The following IGDCC4 variants were observed in gnomAD, a reference collection of about 807,000 sequenced individuals.
The protein encoded by IGDCC4 is immunoglobulin superfamily DCC subclass member 4.
Under a neutral mutation model 116.6 loss-of-function variants are expected in IGDCC4, and 72 were observed. That is an observed-to-expected ratio of 0.62 (90% CI 0.51 to 0.75). IGDCC4 has a LOEUF of 0.75. Among genes scored for constraint, IGDCC4 ranks in the 30% least tolerant of loss-of-function variants. IGDCC4 has a pLI of 0.00. For synonymous variants in IGDCC4, 709 were observed against 719.9 expected (o/e 0.98, Z 0.24); for missense variants, 1,501 against 1,662.4 (o/e 0.90, Z 1.69).
intron 15 of IGDCC4, 107 bp from the exon 16 acceptor site, chr15:65,388,693 C>T: frequency 1.3e-6 from 2 of 1,588,746 alleles, no homozygotes; most frequent in East Asian, 4.5e-5. Context: ...TAGGCAGCAG[C>T]TTCTGCTTGC....
At chr15:65,392,627 C>T (rs773533414) in intron 10 of IGDCC4, among the ~76,000 whole-genome samples, 1 of 152,134 alleles carries the variant, frequency 6.6e-6, no homozygotes, top group Non-Finnish European at 1.5e-5. Flanking sequence ...GTCCGCTGGG[C>T]ATTTGCAAAG....
intron 1 of IGDCC4, among the ~76,000 whole-genome samples, chr15:65,420,108 G>A (rs1405151688): frequency 6.6e-6 from 1 of 152,086 alleles, no homozygotes. Flanking sequence ...CACCACACCT[G>A]GCCAACTTTT....
rs932236450 is a variant in IGDCC4, at chr15:65,393,076, T to C, written c.1885+285A>G. On this transcript the variant is annotated intron_variant, in intron 10 of 19. Coordinates refer to ENST00000352385, the MANE Select transcript of IGDCC4 (RefSeq NM_020962.3). The surrounding 1 kb of genome is among the most constrained non-coding windows in gnomAD (Gnocchi z 4.6). ...GCAGCTACAATTCAATGAGTTTTTA[T>C]GTACTAAGCACTTTAGTTACAATAC... Among the ~76,000 whole-genome samples, 1 of 152,222 alleles carries C rather than the reference T, an allele frequency of 6.6e-6. No individual in the cohort carries two copies. Among genetic ancestry groups the C allele is most frequent in the Non-Finnish European group, 1.5e-5 (1 of 68,032 alleles).
At chr15:65,389,608 A>G (rs994965411) in intron 13 of IGDCC4, among the ~76,000 whole-genome samples, 197 bp from the exon 14 acceptor site, 11 of 152,186 alleles carry the variant, frequency 7.2e-5, no homozygotes, top group African/African-American at 2.4e-4. Flanking sequence ...TCCAAGTCCA[A>G]TCTCGAAACC....
intron 16 of IGDCC4, 38 bp from the exon 17 acceptor site, chr15:65,386,694 A>C: frequency 1.3e-6 from 2 of 1,524,010 alleles, no homozygotes; most frequent in Non-Finnish European, 1.8e-6. Context: ...AGGTCAGGAC[A>C]GAGGAAGGGC....
At chr15:65,397,825 C>G (rs2062942308) in intron 5 of IGDCC4, among the ~76,000 whole-genome samples, 1 of 152,176 alleles carries the variant, frequency 6.6e-6, no homozygotes, top group East Asian at 1.9e-4. Context: ...TGTACCTGTC[C>G]TAGGAAGATG....
At chr15:65,390,027 A>G (rs777672754) in intron 13 of IGDCC4, 128 bp downstream of exon 13, 26 of 812,408 alleles carry the variant, frequency 3.2e-5, no homozygotes, top group South Asian at 2.7e-4. Context: ...CCTCAGCGTA[A>G]CAGGTGAGCC....
chr15:65,412,529 A>AAAG (rs1391094725), intron 1 of IGDCC4, among the ~76,000 whole-genome samples: 2 of 149,890 alleles, frequency 1.3e-5, no homozygotes, highest in African/African-American at 4.9e-5. Context: ...AAAAAAAAAA[A>AAAG]AAAAAAAAAG....
Position 65,384,172 on chromosome 15 carries a change from AGTCT to A in IGDCC4, c.3586_3589del (p.Arg1196LeufsTer23). On this transcript the variant is annotated frameshift_variant, in exon 20 of 20. Transcript: ENST00000352385. LOFTEE classifies it high-confidence loss of function. The surrounding 1 kb of genome is among the most constrained non-coding windows in gnomAD (Gnocchi z 4.9). Reference sequence around the variant, plus strand: ...ACTGGCTGCCTCTGGCAAGCAGGTAAGTCTGTCTGGCCCGGGGGCTGCCAGCTCA... The same window carrying A: ...ACTGGCTGCCTCTGGCAAGCAGGTAAGTCTGGCCCGGGGGCTGCCAGCTCA... The A allele has an allele frequency of 3.1e-6, 5 of 1,613,586 alleles. No individual in the cohort carries two copies. Among genetic ancestry groups the A allele is most frequent in the Non-Finnish European group, 4.2e-6 (5 of 1,179,788 alleles).
intron 5 of IGDCC4, among the ~76,000 whole-genome samples, chr15:65,398,894 A>G (rs1174977180): frequency 6.6e-6 from 1 of 152,166 alleles, no homozygotes; most frequent in African/African-American, 2.4e-5. Context: ...TGTCTCAAAA[A>G]AACAAAACAA....
chr15:65,398,533 C>CAAAAAAAAAAAAAAAAAAAAA (rs3082803), intron 5 of IGDCC4, among the ~76,000 whole-genome samples: 1 of 77,646 alleles, frequency 1.3e-5, no homozygotes, highest in Non-Finnish European at 2.5e-5. Context: ...AACTCCATCT[C>CAAAAAAAAAAAAAAAAAAAAA]AAAAAAAAAA....
At chr15:65,406,584 C>T (rs1436116977) in intron 3 of IGDCC4, among the ~76,000 whole-genome samples, 1 of 152,168 alleles carries the variant, frequency 6.6e-6, no homozygotes, top group Non-Finnish European at 1.5e-5. Context: ...CCAAGGCATA[C>T]GGTCTCCTTC....
chr15:65,412,921 ATCTC>A (rs372790909), intron 1 of IGDCC4, among the ~76,000 whole-genome samples: 11 of 145,292 alleles, frequency 7.6e-5, no homozygotes, highest in East Asian at 6.0e-4. Context: ...ACATATATAG[ATCTC>A]TCTCTCTCTC....
intron 5 of IGDCC4, among the ~76,000 whole-genome samples, chr15:65,399,334 G>A (rs1248770035): frequency 6.6e-6 from 1 of 151,308 alleles, no homozygotes; most frequent in African/African-American, 2.4e-5. Flanking sequence ...AGCGGCACAT[G>A]CCTGTAGTCC....
intron 5 of IGDCC4, among the ~76,000 whole-genome samples, chr15:65,399,205 T>C (rs1452784166): frequency 6.6e-6 from 1 of 152,118 alleles, no homozygotes; most frequent in Non-Finnish European, 1.5e-5. Flanking sequence ...GCGCAGTGAC[T>C]CATGGCTGTA....
In IGDCC4 at chr15:65,411,019, C is replaced by G; in HGVS notation, c.421+1G>C. The G allele has an allele frequency of 6.2e-7, 1 of 1,603,338 alleles. No homozygotes were observed. Among genetic ancestry groups the G allele is most frequent in the African/African-American group, 1.3e-5 (1 of 74,904 alleles). ...GACCCCCGCCCGATGCAAGCACTTA[C>G]TGGCAAGCTTGACGACAGCAGTCTG... is the stretch of plus-strand genomic sequence containing the variant. On this transcript the variant is annotated splice_donor_variant, in intron 2 of 19. Transcript: ENST00000352385. LOFTEE classifies it high-confidence loss of function.
intron 14 of IGDCC4, 137 bp downstream of exon 14, chr15:65,389,147 C>G: frequency 7.9e-7 from 1 of 1,272,506 alleles, no homozygotes. Context: ...AGGGACTTAA[C>G]ATTCCTCCCC....
At position 65,395,959 on chromosome 15, in the gene IGDCC4, C is replaced by T; in HGVS notation, c.1202G>A (p.Gly401Asp). The change falls in exon 7 of 20, where the codon GGC becomes GAC. Residue 401 changes from glycine (G) to aspartate (D), a missense_variant. This residue lies in a region of IGDCC4 where 898 missense variants were observed against 978.9 expected (regional missense o/e 0.92). Transcript: ENST00000352385. Reference protein sequence around the residue: ...VITQIGLQDAGYYQCVAENSA... With the variant: ...VITQIGLQDADYYQCVAENSA... ...GTTCTCAGCCACGCACTGGTAGTAG[C>T]CGGCGTCCTGCAGGCCGATCTGTGT... The T allele has an allele frequency of 1.3e-6, 2 of 1,585,616 alleles. No individual in the cohort carries two copies. Among genetic ancestry groups the T allele is most frequent in the Non-Finnish European group, 1.7e-6 (2 of 1,173,502 alleles).
intron 16 of IGDCC4, among the ~76,000 whole-genome samples, chr15:65,387,400 G>C (rs958814306): frequency 6.6e-6 from 1 of 152,080 alleles, no homozygotes; most frequent in African/African-American, 2.4e-5. Context: ...CCAGGCTGGA[G>C]TGCAGTGGCA....
Sources: allele counts gnomAD v4.1 joint callset (sites outside exome capture counted in the v4.1 genomes callset), GRCh38; gene constraint gnomAD v4.1.1; regional missense constraint gnomAD v4.1.1; non-coding constraint Gnocchi (gnomAD v3.1); transcripts MANE v1.5; gene names NCBI Gene and HGNC (gene_info 2026-07-23, HGNC 2026-07-21).